Variants in KIAA1328 observed in about 807,000 individuals in gnomAD.
KIAA1328 encodes KIAA1328.
KIAA1328 carries 52 observed loss-of-function variants against 68.1 expected under a neutral mutation model. The ratio of observed to expected loss-of-function variants is 0.76; its 90% CI spans 0.61 to 0.96. The LOEUF (loss-of-function observed/expected upper bound fraction) is 0.96. Ranked by LOEUF, KIAA1328 falls within the 40% of genes least tolerant of loss-of-function variation. KIAA1328 has a pLI of 0.00. For synonymous variants in KIAA1328, 232 were observed against 239.4 expected, an observed-to-expected ratio of 0.97 and a Z score of 0.28; for missense variants, 641 against 677.6, an observed-to-expected ratio of 0.95 and a Z score of 0.60.
At chr18:36,875,573 C>A (rs542632342) in intron 4 of KIAA1328, among the ~76,000 whole-genome samples, 6 of 152,282 alleles carry the variant, frequency 3.9e-5, no homozygotes, top group East Asian at 1.9e-4. Flanking sequence ...TGGGCTGAGA[C>A]AATGGGGGTT....
At chr18:36,862,984 T>C (rs930440251) in intron 4 of KIAA1328, among the ~76,000 whole-genome samples, 6 of 152,204 alleles carry the variant, frequency 3.9e-5, no homozygotes, top group Non-Finnish European at 2.9e-5. Context: ...TATTCATTCC[T>C]TTAGCCCCAT....
intron 1 of KIAA1328, among the ~76,000 whole-genome samples, chr18:36,830,191 C>T (rs1337580975): frequency 6.6e-6 from 1 of 152,102 alleles, no homozygotes; most frequent in East Asian, 1.9e-4. Flanking sequence ...GTTATCAACT[C>T]CTTTGTTGAG....
At chr18:37,010,733 A>G (rs973717934) in intron 6 of KIAA1328, among the ~76,000 whole-genome samples, 5 of 152,178 alleles carry the variant, frequency 3.3e-5, no homozygotes, top group African/African-American at 9.6e-5. Flanking sequence ...TACTGAGGCA[A>G]CATCAAAGCT....
chr18:37,162,280 A>AT (rs2059297352), intron 8 of KIAA1328, among the ~76,000 whole-genome samples: 2 of 151,300 alleles, frequency 1.3e-5, no homozygotes, highest in Non-Finnish European at 2.9e-5. Context: ...TAGTGTTGCA[A>AT]TAAAAAAAAA....
At chr18:36,963,084 T>C (rs1167877937) in intron 6 of KIAA1328, among the ~76,000 whole-genome samples, 2 of 152,200 alleles carry the variant, frequency 1.3e-5, no homozygotes, top group African/African-American at 4.8e-5. Context: ...ATAAATGGTT[T>C]GTTTGTATTT....
At chr18:36,921,590 G>T (rs1054399480) in intron 5 of KIAA1328, among the ~76,000 whole-genome samples, 3 of 151,946 alleles carry the variant, frequency 2.0e-5, no homozygotes, top group African/African-American at 7.3e-5. Flanking sequence ...ATTTTTAGTA[G>T]AGACGGGGTT....
chr18:36,863,985 T>C (rs1015047639), intron 4 of KIAA1328, among the ~76,000 whole-genome samples: 1 of 152,174 alleles, frequency 6.6e-6, no homozygotes, highest in Non-Finnish European at 1.5e-5. Context: ...TCCTTTCCAA[T>C]AGGTATCTCT....
intron 6 of KIAA1328, among the ~76,000 whole-genome samples, chr18:36,964,495 A>G (rs902113206): frequency 2.6e-5 from 4 of 152,152 alleles, no homozygotes; most frequent in African/African-American, 9.7e-5. Flanking sequence ...TATTAAATCC[A>G]CAGTTCTCCA....
At chr18:37,169,325 C>T (rs2059452936) in intron 8 of KIAA1328, among the ~76,000 whole-genome samples, 1 of 151,814 alleles carries the variant, frequency 6.6e-6, no homozygotes. Flanking sequence ...GCCACCAGGC[C>T]CAGCTAATTT....
Position 37,218,426 on chromosome 18 carries a change from G to A in KIAA1328, c.1524-3591G>A, listed in dbSNP as rs184575323. 8.5e-4 allele frequency among the ~76,000 whole-genome samples: 129 copies of A among 152,300 alleles called. 2 individuals carry two copies. The highest frequency in any genetic ancestry group is 2.0e-3 in the Admixed American group (31 of 15,292). On this transcript the variant is annotated intron_variant, in intron 9 of 9. Coordinates refer to ENST00000280020, the MANE Select transcript of KIAA1328 (RefSeq NM_020776.3). ...TGTCTTGTAAATCAAGAGGTCAAATGGAGTTTGTCCGGCTTTCCCAGCCAG... is the reference window on the plus strand; with the variant it reads ...TGTCTTGTAAATCAAGAGGTCAAATAGAGTTTGTCCGGCTTTCCCAGCCAG...
At chr18:37,117,345 A>G (rs2058139879) in intron 7 of KIAA1328, among the ~76,000 whole-genome samples, 1 of 152,208 alleles carries the variant, frequency 6.6e-6, no homozygotes, top group Non-Finnish European at 1.5e-5. Flanking sequence ...CATTTGTGGG[A>G]CATGGATGAA....
At chr18:37,118,792 A>G (rs950112463) in intron 7 of KIAA1328, among the ~76,000 whole-genome samples, 2 of 152,174 alleles carry the variant, frequency 1.3e-5, no homozygotes, top group Non-Finnish European at 2.9e-5. Context: ...GGAAATGGTT[A>G]GTTGGAGCCA....
rs546279971 is a variant in KIAA1328 at position 36,834,333 on chromosome 18, A to G, written c.72A>G (p.Glu24=). 6.3e-7 allele frequency: 1 copy of G among 1,587,520 alleles called. No individual in the cohort carries two copies. Residue 24 remains glutamate (E), a synonymous_variant, in exon 2 of 10, where the codon GAA becomes GAG. Coordinates refer to ENST00000280020, the MANE Select transcript of KIAA1328 (RefSeq NM_020776.3). ...AFWSRDFSDE[E]QSVVYVPGIS... is the part of the protein sequence containing the mutation. ...TCTCCTGCGTAGTTTCTGATGAAGA[A>G]CAATCAGTAGTATACGTTCCAGGTA...
In KIAA1328 at chr18:37,150,476, A is replaced by G. The variant is rs966821657; in HGVS notation, c.1233-9724A>G. ...CTATAGGAAGAAGGAACTATTCTCA[A>G]CTTCTTTTGTGAGGTCTGAACCTGG... On this transcript the variant is annotated intron_variant, in intron 7 of 9. Transcript: ENST00000280020. 2.6e-5 allele frequency among the ~76,000 whole-genome samples: 4 copies of G among 152,080 alleles called. 1 individual carries two copies. The highest frequency in any genetic ancestry group is 9.6e-5 in the African/African-American group (4 of 41,492).
chr18:37,179,541 A>G (rs1404702087), intron 9 of KIAA1328, among the ~76,000 whole-genome samples: 4 of 152,264 alleles, frequency 2.6e-5, no homozygotes, highest in South Asian at 2.1e-4. Context: ...GTGCACAGCC[A>G]TGCTCACAAG....
chr18:37,174,593 T>A (rs1568496012), intron 9 of KIAA1328, among the ~76,000 whole-genome samples: 1 of 149,432 alleles, frequency 6.7e-6, no homozygotes, highest in Non-Finnish European at 1.5e-5. Flanking sequence ...TTATTTTATT[T>A]TATTTTATTT....
chr18:36,908,591 C>T (rs1001199189), intron 5 of KIAA1328, among the ~76,000 whole-genome samples: 1 of 152,146 alleles, frequency 6.6e-6, no homozygotes, highest in Non-Finnish European at 1.5e-5. Context: ...GTATCCCCTT[C>T]GGCCTCTCAA....
At chr18:36,936,692 C>T (rs1210525804) in intron 5 of KIAA1328, among the ~76,000 whole-genome samples, 1 of 152,058 alleles carries the variant, frequency 6.6e-6, no homozygotes, top group African/African-American at 2.4e-5. Context: ...ATCGCCATAC[C>T]GTCTTTCACA....
At chr18:36,958,274 T>G (rs531828809) in intron 5 of KIAA1328, among the ~76,000 whole-genome samples, 1 of 152,328 alleles carries the variant, frequency 6.6e-6, no homozygotes, top group African/African-American at 2.4e-5. Context: ...TACAAGTTTT[T>G]GTGTGTACAT....
Sources: allele counts gnomAD v4.1 joint callset (sites outside exome capture counted in the v4.1 genomes callset), GRCh38; gene constraint gnomAD v4.1.1; transcripts MANE v1.5; gene names NCBI Gene and HGNC (gene_info 2026-07-23, HGNC 2026-07-21).